Variants in NBR1 observed in about 807,000 individuals in gnomAD.
NBR1 encodes NBR1 autophagy cargo receptor, also known as next to BRCA1 gene 1 protein.
In NBR1, 59 loss-of-function variants were observed where a neutral mutation model predicts 115.5. The ratio of observed to expected loss-of-function variants is 0.51; its 90% CI spans 0.41 to 0.63. NBR1 has a LOEUF of 0.63. Among genes scored for constraint, NBR1 ranks in the 30% least tolerant of loss-of-function variants. NBR1 has a pLI of 0.00. For missense variants in NBR1, 1,043 were observed against 1,150.5 expected (o/e 0.91, Z 1.35); for synonymous variants, 373 against 414.7 (o/e 0.90, Z 1.22).
chr17:43,173,131 A>C (rs368846401), intron 1 of NBR1, among the ~76,000 whole-genome samples: 18 of 151,858 alleles, frequency 1.2e-4, no homozygotes, highest in African/African-American at 4.4e-4. Context: ...CGGCCCTATT[A>C]TTTTTTAAAA....
intron 20 of NBR1, among the ~76,000 whole-genome samples, chr17:43,204,460 A>G (rs1347704962): frequency 6.6e-6 from 1 of 151,616 alleles, no homozygotes; most frequent in Non-Finnish European, 1.5e-5. Flanking sequence ...GCTTGAGCCC[A>G]GGAGTTTGAG....
intron 20 of NBR1, among the ~76,000 whole-genome samples, chr17:43,206,921 C>T (rs1309485043): frequency 6.6e-6 from 1 of 151,928 alleles, no homozygotes; most frequent in East Asian, 1.9e-4. Context: ...AGAAATTAGC[C>T]GGACTTGGTG....
rs1412103266 is a variant in NBR1 at position 43,179,645 on chromosome 17, C to T, written c.184+233C>T. On this transcript the variant is annotated intron_variant, in intron 4 of 20. Coordinates refer to ENST00000590996, the MANE Select transcript of NBR1 (RefSeq NM_005899.5). The stretch of plus-strand genomic sequence containing the variant: ...TGGGAGGTTCTCATATTTAAGATGC[C>T]AGTCCTCTGAAATTAATATGCCTCC... Among the ~76,000 whole-genome samples the T allele has an allele frequency of 5.3e-5, 8 of 152,246 alleles. 1 individual carries two copies. The South Asian group carries it at 1.7e-3, about 32-fold the overall frequency.
At position 43,193,528 on chromosome 17, in the gene NBR1, G is replaced by A. The variant is rs570950167; in HGVS notation, c.1414G>A (p.Val472Ile). ...SHKGQQFGPR[V>I]WCSIIVDPFP... ...CAAAGGCCAGCAATTTGGGCCTCGG[G>A]TCTGGTGCAGTATCATAGTAGATCC... Residue 472 changes from valine to isoleucine, a missense_variant, in exon 12 of 21, where the codon GTC becomes ATC. Physicochemically the swap from Val to Ile is conservative, Grantham distance 29. Coordinates refer to ENST00000590996, the MANE Select transcript of NBR1 (RefSeq NM_005899.5). The A allele has an allele frequency of 8.6e-5, 138 of 1,613,574 alleles. 3 individuals are homozygous for A. In the South Asian group the frequency reaches 1.5e-3, roughly 17 times the overall value.
In NBR1 at chr17:43,211,667, T is replaced by G. The variant is rs1175874480; in HGVS notation, c.*1593T>G. On this transcript the variant is annotated 3_prime_UTR_variant, in exon 21 of 21. Coordinates refer to ENST00000590996, the MANE Select transcript of NBR1 (RefSeq NM_005899.5). ...CATAACCACCTAAAGAATGGTGAAA[T>G]AAATGTTCTTGGAAATTCCTACCCG... 1 of 152,084 alleles carries G rather than the reference T, an allele frequency of 6.6e-6. No homozygotes were observed. Among genetic ancestry groups the G allele is most frequent in the Admixed American group, 6.5e-5 (1 of 15,272 alleles). 9.4% of individuals were successfully genotyped at this position (152,084 alleles called of 1,614,324 possible). A position where few individuals can be genotyped will look rare whatever the true frequency, so the allele number is the denominator to read the frequency against.
chr17:43,172,091 G>T (rs139391334), intron 1 of NBR1, among the ~76,000 whole-genome samples: 1 of 152,148 alleles, frequency 6.6e-6, no homozygotes, highest in Non-Finnish European at 1.5e-5. Flanking sequence ...AAGCTAACTT[G>T]TGCCAAGCAA....
intron 16 of NBR1, among the ~76,000 whole-genome samples, chr17:43,199,124 C>T (rs1350956076): frequency 1.3e-5 from 2 of 151,242 alleles, no homozygotes; most frequent in African/African-American, 2.4e-5. Context: ...CTCACTCGCC[C>T]AGGCTAAAGT....
intron 20 of NBR1, among the ~76,000 whole-genome samples, chr17:43,206,465 G>A (rs577622390): frequency 2.2e-4 from 33 of 151,804 alleles, no homozygotes; most frequent in Non-Finnish European, 3.4e-4. Flanking sequence ...AGACCAGCCT[G>A]GCCAATATGG....
chr17:43,177,572 A>AAC (rs60320098), intron 2 of NBR1, among the ~76,000 whole-genome samples: 10,497 of 131,146 alleles, frequency 0.08, 455 homozygotes, highest in South Asian at 0.1. Flanking sequence ...CCCCACCCAA[A>AAC]ACACACACAC....
At chr17:43,186,915 A>G (rs2056817153) in intron 6 of NBR1, among the ~76,000 whole-genome samples, 2 of 152,300 alleles carry the variant, frequency 1.3e-5, no homozygotes, top group East Asian at 1.9e-4. Context: ...TATCCAGTCT[A>G]TCATTGATAG....
At chr17:43,179,729 T>C (rs567354724) in intron 4 of NBR1, among the ~76,000 whole-genome samples, 1 of 152,358 alleles carries the variant, frequency 6.6e-6, no homozygotes, top group South Asian at 2.1e-4. Context: ...TTGGTATATA[T>C]GTTAATATCA....
At chr17:43,201,504 A>G (rs2057196608) in intron 17 of NBR1, among the ~76,000 whole-genome samples, 182 bp from the exon 18 acceptor site, 1 of 152,176 alleles carries the variant, frequency 6.6e-6, no homozygotes. Flanking sequence ...GCCTGTGGCT[A>G]AAGAGGAAAA....
intron 2 of NBR1, 191 bp downstream of exon 2, chr17:43,176,092 C>A: frequency 2.2e-6 from 1 of 444,752 alleles, no homozygotes; most frequent in Non-Finnish European, 4.0e-6. Context: ...AGGGAACCAA[C>A]ACATAAATTT....
chr17:43,209,853 T>A (rs2154582510), intron 20 of NBR1, 48 bp from the exon 21 acceptor site: 1 of 1,468,268 alleles, frequency 6.8e-7, no homozygotes, highest in African/African-American at 1.4e-5. Flanking sequence ...AACATTTAAA[T>A]TATACAGAAT....
chr17:43,185,128 G>A (rs1313214659), intron 5 of NBR1, among the ~76,000 whole-genome samples: 1 of 151,280 alleles, frequency 6.6e-6, no homozygotes, highest in Non-Finnish European at 1.5e-5. Flanking sequence ...TAGTAACCCA[G>A]TTAAGGAGAA....
In NBR1 at chr17:43,202,661, G is replaced by A. The variant is rs184912529; in HGVS notation, c.2570G>A (p.Arg857Lys). Residue 857 changes from arginine to lysine, a missense_variant, in exon 19 of 21, where the codon AGA becomes AAA. Arg to Lys is a conservative substitution (Grantham distance 26). Transcript: ENST00000590996. Reference sequence around the variant, plus strand: ...ACAGCTCTTTTGCTTTTAGAGCCCAGAGGCTCATCAGGACTTGTAAACAGC... The same window carrying A: ...ACAGCTCTTTTGCTTTTAGAGCCCAAAGGCTCATCAGGACTTGTAAACAGC... The part of the protein sequence containing the change: ...SVPDQIRGEP[R>K]GSSGLVNSRQ... 6 of 1,574,658 alleles carry A rather than the reference G, an allele frequency of 3.8e-6. No individual in the cohort carries two copies. The East Asian group carries it at 1.4e-4, about 36-fold the overall frequency.
At chr17:43,186,707 C>T (rs1380955663) in intron 6 of NBR1, among the ~76,000 whole-genome samples, 2 of 151,614 alleles carry the variant, frequency 1.3e-5, no homozygotes, top group Non-Finnish European at 2.9e-5. Flanking sequence ...GTGTGATGTA[C>T]CCCTCCCTGT....
chr17:43,173,501 T>C (rs1168476593), intron 1 of NBR1, among the ~76,000 whole-genome samples: 1 of 152,192 alleles, frequency 6.6e-6, no homozygotes, highest in Non-Finnish European at 1.5e-5. Flanking sequence ...TTGGCTAGGC[T>C]GGTCTCAAAC....
At chr17:43,192,359 T>C (rs1192417508) in intron 10 of NBR1, among the ~76,000 whole-genome samples, 1 of 150,092 alleles carries the variant, frequency 6.7e-6, no homozygotes, top group African/African-American at 2.5e-5. Flanking sequence ...GGTTTGGTAG[T>C]TTTTTGTTTG....
Sources: allele counts gnomAD v4.1 joint callset (sites outside exome capture counted in the v4.1 genomes callset), GRCh38; gene constraint gnomAD v4.1.1; transcripts MANE v1.5; gene names NCBI Gene and HGNC (gene_info 2026-07-23, HGNC 2026-07-21).